ZFYVE16: variants seen among roughly 807,000 people sequenced by gnomAD.
ZFYVE16 encodes zinc finger FYVE-type containing 16, also known as zinc finger FYVE domain-containing protein 16.
In ZFYVE16, 89 loss-of-function variants were observed where a neutral mutation model predicts 138.1. The observed-to-expected ratio is 0.64, with a 90% CI of 0.54 to 0.77. The LOEUF is 0.77. ZFYVE16 is among the 30% of genes least tolerant of loss of function. The pLI is 0.00. For synonymous variants in ZFYVE16, 596 were observed against 618.3 expected (o/e 0.96, Z 0.53); for missense variants, 1,793 against 1,786.7 (o/e 1.00, Z -0.06).
Position 80,437,054 on chromosome 5 carries a change from T to C in ZFYVE16, c.369T>C (p.Ser123=). 6.2e-7 allele frequency: 1 copy of C among 1,614,190 alleles called. No homozygotes were observed. The highest frequency in any genetic ancestry group is 8.5e-7 in the Non-Finnish European group (1 of 1,180,024). Residue 123 remains serine, a synonymous_variant, in exon 4 of 19, where the codon AGT becomes AGC. Transcript: ENST00000505560. ...AGCCGTTATATATGGGACGATGTAGTAAACCTATCTGTGATCTGATAAGTG... is the reference window on the plus strand; with the variant it reads ...AGCCGTTATATATGGGACGATGTAGCAAACCTATCTGTGATCTGATAAGTG... The part of the protein sequence containing the change: ...EIQPLYMGRC[S]KPICDLISDM...
chr5:80,472,758 T>C lies in ZFYVE16; in HGVS notation c.4025-3T>C. On this transcript the variant is annotated splice_region_variant and splice_polypyrimidine_tract_variant and intron_variant, in intron 15 of 18. Transcript: ENST00000505560. ...GAAATGTGAAACTTAGTCTCATTTC[T>C]AGATGGCTTAATGGTACAAATAACT... 6.2e-7 allele frequency: 1 copy of C among 1,611,110 alleles called. No homozygotes were observed. The highest frequency in any genetic ancestry group is 8.5e-7 in the Non-Finnish European group (1 of 1,178,916).
At chr5:80,470,964 C>T (rs1324984269) in intron 15 of ZFYVE16, among the ~76,000 whole-genome samples, 1 of 152,222 alleles carries the variant, frequency 6.6e-6, no homozygotes, top group Middle Eastern at 3.4e-3. Flanking sequence ...GTTGGACTAC[C>T]AGAATGAGCC....
intron 14 of ZFYVE16, among the ~76,000 whole-genome samples, chr5:80,457,990 C>T (rs1423539572): frequency 6.1e-5 from 9 of 147,346 alleles, no homozygotes; most frequent in Non-Finnish European, 1.3e-4. Flanking sequence ...CGTGCCACTG[C>T]ACTCCCGCCT....
intron 1 of ZFYVE16, among the ~76,000 whole-genome samples, chr5:80,425,367 T>G (rs953602050): frequency 1.3e-5 from 2 of 152,206 alleles, no homozygotes; most frequent in African/African-American, 4.8e-5. Flanking sequence ...TCAGATGTCC[T>G]TAGTTGATGG....
At chr5:80,441,070 A>G (rs1008385396) in intron 5 of ZFYVE16, 2 of 985,264 alleles carry the variant, frequency 2.0e-6, no homozygotes, top group Admixed American at 6.2e-5. Context: ...TTAAGTGCTT[A>G]TAGTTGTTTT....
chr5:80,455,775 G>C lies in ZFYVE16; in HGVS notation c.3690+1G>C. The C allele has an allele frequency of 6.4e-7, 1 of 1,569,244 alleles. No individual in the cohort carries two copies. The highest frequency in any genetic ancestry group is 8.6e-7 in the Non-Finnish European group (1 of 1,166,480). ...ACACACTATTATGAACTTACTTGTT[G>C]TGAGTAATTGAACTATTTTATTAGG... On this transcript the variant is annotated splice_donor_variant, in intron 12 of 18. Coordinates refer to ENST00000505560, the MANE Select transcript of ZFYVE16 (RefSeq NM_001284236.3). LOFTEE classifies it high-confidence loss of function.
intron 3 of ZFYVE16, 98 bp downstream of exon 3, chr5:80,434,315 A>G: frequency 7.8e-7 from 1 of 1,284,254 alleles, no homozygotes. Flanking sequence ...TTTTCTTTCA[A>G]TTTTGGTCAC....
intron 12 of ZFYVE16, chr5:80,455,989 A>ATT: frequency 2.1e-6 from 1 of 483,696 alleles, no homozygotes. Flanking sequence ...CGTGTACCTG[A>ATT]TTCTAAGTGC....
chr5:80,432,989 G>A (rs1325131450), intron 2 of ZFYVE16, among the ~76,000 whole-genome samples: 3 of 152,142 alleles, frequency 2.0e-5, no homozygotes, highest in African/African-American at 7.2e-5. Context: ...ACACTTGGTG[G>A]GATTGTAAAC....
At position 80,438,230 on chromosome 5, in the gene ZFYVE16, C is replaced by T; in HGVS notation, c.1545C>T (p.Tyr515=). The T allele has an allele frequency of 7.4e-6, 12 of 1,613,962 alleles. No homozygotes were observed. Among genetic ancestry groups the T allele is most frequent in the Non-Finnish European group, 1.0e-5 (12 of 1,179,944 alleles). Residue 515 remains tyrosine (Y), a synonymous_variant, in exon 4 of 19, where the codon TAC becomes TAT. Coordinates refer to ENST00000505560, the MANE Select transcript of ZFYVE16 (RefSeq NM_001284236.3). ...ATATGGATGGGCAAGACTTAGATTA[C>T]TTTAATATTGATGAAGGCGCAAAAA... ...SNDMDGQDLD[Y]FNIDEGAKSG...
At chr5:80,467,316 A>G (rs532417449) in intron 15 of ZFYVE16, among the ~76,000 whole-genome samples, 36 of 152,310 alleles carry the variant, frequency 2.4e-4, no homozygotes, top group African/African-American at 7.9e-4. Flanking sequence ...TGCCCAGGAA[A>G]GACCTGGGAA....
In ZFYVE16 at chr5:80,438,079, C is replaced by A; in HGVS notation, c.1394C>A (p.Ala465Asp). Residue 465 changes from alanine (A) to aspartate (D), a missense_variant, in exon 4 of 19, where the codon GCT becomes GAT. Around this residue, in one of 2 missense-constraint regions of ZFYVE16, gnomAD observed 1,295 missense variants for 1,204.3 expected, o/e 1.08. Coordinates refer to ENST00000505560, the MANE Select transcript of ZFYVE16 (RefSeq NM_001284236.3). ...KIDPDQTVIR[A>D]ESLDGGDTSS... ...GATCCTGACCAGACAGTAATCAGAG[C>A]TGAGTCTTTGGATGGTGGTGACACC... 1.2e-6 allele frequency: 2 copies of A among 1,614,038 alleles called. No homozygotes were observed. The highest frequency in any genetic ancestry group is 1.7e-6 in the Non-Finnish European group (2 of 1,179,976).
At chr5:80,453,590 T>G (rs1463737368) in intron 11 of ZFYVE16, among the ~76,000 whole-genome samples, 1 of 152,186 alleles carries the variant, frequency 6.6e-6, no homozygotes, top group Non-Finnish European at 1.5e-5. Context: ...AATTGTCAGT[T>G]ATACATAGAA....
intron 1 of ZFYVE16, 137 bp downstream of exon 1, chr5:80,408,290 C>T (rs1744902318): frequency 6.6e-6 from 1 of 152,462 alleles, no homozygotes; most frequent in Non-Finnish European, 1.5e-5. Context: ...GCCTGGGCCC[C>T]GACCGATTCC....
intron 15 of ZFYVE16, among the ~76,000 whole-genome samples, chr5:80,472,330 C>G (rs958099422): frequency 4.6e-5 from 7 of 151,302 alleles, no homozygotes; most frequent in Admixed American, 3.9e-4. Context: ...GGCTCTCTGC[C>G]TGGGAATAAT....
intron 1 of ZFYVE16, among the ~76,000 whole-genome samples, chr5:80,418,217 C>T (rs924759380): frequency 2.0e-5 from 3 of 148,170 alleles, no homozygotes; most frequent in Non-Finnish European, 4.5e-5. Context: ...CCTCTTTCTC[C>T]TCTCCTCTCT....
chr5:80,462,213 C>G (rs2112501234), intron 15 of ZFYVE16, among the ~76,000 whole-genome samples: 1 of 152,256 alleles, frequency 6.6e-6, no homozygotes, highest in South Asian at 2.1e-4. Flanking sequence ...CATTTTCACA[C>G]TGCTATAAAG....
At chr5:80,461,926 T>G (rs1374309995) in intron 15 of ZFYVE16, among the ~76,000 whole-genome samples, 1 of 151,810 alleles carries the variant, frequency 6.6e-6, no homozygotes, top group Non-Finnish European at 1.5e-5. Context: ...GAGCTGAGAT[T>G]GCACCATTGC....
intron 6 of ZFYVE16, chr5:80,443,812 G>C (rs1415164533): frequency 2.2e-6 from 1 of 456,212 alleles, no homozygotes; most frequent in Non-Finnish European, 4.4e-6. Context: ...ATTGGAAAAA[G>C]CTGACCAAAG....
Sources: allele counts gnomAD v4.1 joint callset (sites outside exome capture counted in the v4.1 genomes callset), GRCh38; gene constraint gnomAD v4.1.1; regional missense constraint gnomAD v4.1.1; transcripts MANE v1.5; gene names NCBI Gene and HGNC (gene_info 2026-07-23, HGNC 2026-07-21).